SLC2A9: variants seen among roughly 807,000 people sequenced by gnomAD.
The protein encoded by SLC2A9 is solute carrier family 2 member 9, also known as solute carrier family 2, facilitated glucose transporter member 9.
In SLC2A9, 39 loss-of-function variants were observed where a neutral mutation model predicts 50.6. That is an observed-to-expected ratio of 0.77 (90% CI 0.60 to 1.01). SLC2A9 has a LOEUF of 1.01. Among genes scored for constraint, SLC2A9 ranks in the 50% least tolerant of loss-of-function variants. The pLI, the probability that SLC2A9 is intolerant of heterozygous loss-of-function variation, is 0.00. For missense variants in SLC2A9, 686 were observed against 677.6 expected (o/e 1.01, Z -0.14); for synonymous variants, 324 against 276.9 (o/e 1.17, Z -1.69).
chr4:10,037,964 T>A (rs1194006961), intron 1 of SLC2A9, among the ~76,000 whole-genome samples: 1 of 150,890 alleles, frequency 6.6e-6, no homozygotes, highest in Admixed American at 6.6e-5. Context: ...AATAAATAAA[T>A]AATAAATAAA....
At chr4:9,960,006 A>T (rs139267663) in intron 5 of SLC2A9, among the ~76,000 whole-genome samples, 1 of 152,356 alleles carries the variant, frequency 6.6e-6, no homozygotes, top group East Asian at 1.9e-4. Flanking sequence ...GGCAGGAACC[A>T]GGGCTAACTG....
intron 1 of SLC2A9, 46 bp downstream of exon 1, chr4:10,021,234 C>T: frequency 6.2e-7 from 1 of 1,601,984 alleles, no homozygotes; most frequent in Admixed American, 1.7e-5. Flanking sequence ...CCAGGCCTGC[C>T]TTCCCCACAG....
rs1758768051 is a variant in SLC2A9 at position 9,996,847 on chromosome 4, GAC to G, written c.342_343del (p.Ser115HisfsTer30). 2 of 1,614,062 alleles carry G rather than the reference GAC, an allele frequency of 1.2e-6. No homozygotes were observed. The highest frequency in any genetic ancestry group is 2.7e-5 in the African/African-American group (2 of 74,924). On this transcript the variant is annotated frameshift_variant, in exon 3 of 12. Transcript: ENST00000264784. LOFTEE classifies it high-confidence loss of function. The stretch of plus-strand genomic sequence containing the variant: ...CACAAGTCCACCGATGGCGAATATG[GAC>G]ACAGTCACAGACCAGAGCAAAGTCA...
chr4:9,887,480 G>T (rs1238038159), intron 10 of SLC2A9, 87 bp downstream of exon 10: 57 of 1,319,794 alleles, frequency 4.3e-5, no homozygotes, highest in East Asian at 3.3e-4. Context: ...CTGGGCTCTG[G>T]GTTCCCCATC....
At position 9,836,088 on chromosome 4, in the gene SLC2A9, CAAAAAAAAAAAA is replaced by C. The variant is rs35303241; in HGVS notation, c.1292-1092_1292-1081del. Among the ~76,000 whole-genome samples the C allele has an allele frequency of 3.3e-4, 16 of 48,224 alleles. No homozygotes were observed. In the South Asian group the frequency reaches 0.017, roughly 53 times the overall value. 31.6% of individuals were successfully genotyped at this position (48,224 alleles called of 152,430 possible). On this transcript the variant is annotated intron_variant, in intron 10 of 11. Transcript: ENST00000264784. ...GGGCAACAAGAGTGAAACTCCCTCT[CAAAAAAAAAAAA>C]AAAAAAAAAAAGATAAAAGAATGAT...
chr4:9,914,094 G>A (rs148971900), intron 7 of SLC2A9, among the ~76,000 whole-genome samples: 130 of 152,330 alleles, frequency 8.5e-4, no homozygotes, highest in African/African-American at 2.8e-3. Context: ...GAGTGGCAGA[G>A]CTGAGATCGA....
At chr4:9,806,492 C>T (rs1182033322) in intron 3 of SLC2A9, among the ~76,000 whole-genome samples, 1 of 152,254 alleles carries the variant, frequency 6.6e-6, no homozygotes, top group Admixed American at 6.5e-5. Flanking sequence ...TCGGGGCTGT[C>T]AGCTCTGAAG....
chr4:9,783,025 C>T (rs1366345137), intron 3 of SLC2A9: 1 of 1,614,252 alleles, frequency 6.2e-7, no homozygotes, highest in African/African-American at 1.3e-5. Context: ...CTCCGGCCGG[C>T]TTCCCCTGCG....
At chr4:9,971,445 T>C (rs981017615) in intron 5 of SLC2A9, among the ~76,000 whole-genome samples, 5 of 152,196 alleles carry the variant, frequency 3.3e-5, no homozygotes, top group African/African-American at 9.6e-5. Flanking sequence ...GCCTACAGAA[T>C]AGACAAAAAC....
chr4:9,920,692 T>A, intron 6 of SLC2A9, 120 bp from the exon 7 acceptor site: 1 of 1,168,586 alleles, frequency 8.6e-7, no homozygotes, highest in Non-Finnish European at 1.3e-6. Flanking sequence ...GGGGCGGAAC[T>A]TGGCAGGGGC....
chr4:9,963,424 T>C (rs1452842170), intron 5 of SLC2A9, among the ~76,000 whole-genome samples: 1 of 152,214 alleles, frequency 6.6e-6, no homozygotes, highest in East Asian at 1.9e-4. Flanking sequence ...TCCCTCCACA[T>C]TGAGGGGGTA....
chr4:9,848,857 A>G (rs976122762), intron 10 of SLC2A9, among the ~76,000 whole-genome samples: 2 of 152,098 alleles, frequency 1.3e-5, no homozygotes, highest in Non-Finnish European at 2.9e-5. Flanking sequence ...GGCACCCGCT[A>G]CCACGCCCGG....
chr4:9,905,506 T>C (rs2109953376), intron 8 of SLC2A9, among the ~76,000 whole-genome samples: 1 of 152,310 alleles, frequency 6.6e-6, no homozygotes, highest in Non-Finnish European at 1.5e-5. Flanking sequence ...AGGCTGAGAC[T>C]CTGAGTTCTG....
At chr4:9,828,740 T>C (rs553508076) in intron 11 of SLC2A9, among the ~76,000 whole-genome samples, 63 of 152,322 alleles carry the variant, frequency 4.1e-4, no homozygotes, top group South Asian at 1.5e-3. Context: ...CATTTTGAAA[T>C]AGCCCCTCCC....
intron 11 of SLC2A9, among the ~76,000 whole-genome samples, chr4:9,833,834 T>C (rs1726583888): frequency 6.6e-6 from 1 of 152,118 alleles, no homozygotes; most frequent in Non-Finnish European, 1.5e-5. Context: ...TCTCACCTCC[T>C]CCAGGTGGTA....
In SLC2A9 at chr4:9,974,901, A is replaced by C. The variant is rs141504017; in HGVS notation, c.681+5691T>G. 9.4e-3 allele frequency among the ~76,000 whole-genome samples: 1,435 copies of C among 152,322 alleles called. 27 individuals are homozygous for C. Among genetic ancestry groups the C allele is most frequent in the African/African-American group, 0.033 (1,384 of 41,560 alleles). On this transcript the variant is annotated intron_variant, in intron 5 of 11. Coordinates refer to ENST00000264784, the MANE Select transcript of SLC2A9 (RefSeq NM_020041.3). ...AAAACAGTATGGTACTGGTACAAAAACAGACACATAGACAAATGAAACAGA... is the reference window on the plus strand; with the variant it reads ...AAAACAGTATGGTACTGGTACAAAACCAGACACATAGACAAATGAAACAGA...
At chr4:9,991,777 T>A (rs558995562) in intron 3 of SLC2A9, among the ~76,000 whole-genome samples, 1 of 152,226 alleles carries the variant, frequency 6.6e-6, no homozygotes, top group Admixed American at 6.5e-5. Context: ...AAAGCAGCCA[T>A]CTGCAAGCCA....
intron 7 of SLC2A9, among the ~76,000 whole-genome samples, chr4:9,918,423 G>A (rs1364686564): frequency 1.3e-5 from 2 of 152,168 alleles, no homozygotes; most frequent in Non-Finnish European, 2.9e-5. Flanking sequence ...TATGTAACAC[G>A]GAAGAAGACT....
chr4:9,838,936 G>A (rs1210397803), intron 10 of SLC2A9, among the ~76,000 whole-genome samples: 1 of 152,158 alleles, frequency 6.6e-6, no homozygotes, highest in Admixed American at 6.5e-5. Context: ...TCGGCAAATA[G>A]GCACAGGCAA....
Sources: gnomAD v4.1 joint callset for allele counts (sites outside exome capture counted in the v4.1 genomes callset) on GRCh38, gnomAD v4.1.1 for gene constraint, MANE v1.5 for transcripts, NCBI Gene and HGNC (gene_info 2026-07-23, HGNC 2026-07-21) for gene names.